Variants in ATP9B observed in about 807,000 individuals in gnomAD.
ATP9B encodes probable phospholipid-transporting ATPase IIB.
A neutral mutation model predicts 146.1 loss-of-function variants in ATP9B; 110 were observed. The observed-to-expected ratio is 0.75, with a 90% CI of 0.65 to 0.88. ATP9B has a LOEUF of 0.88. ATP9B is among the 40% of genes least tolerant of loss of function. The probability of loss-of-function intolerance (pLI) is 0.00; values close to 1 mark genes in which losing one functional copy is unlikely to be tolerated. For synonymous variants in ATP9B, 604 were observed against 569.7 expected (o/e 1.06, Z -0.86); for missense variants, 1,499 against 1,496.4 (o/e 1.00, Z -0.03).
At chr18:79,272,502 C>T (rs1182996824) in intron 12 of ATP9B, among the ~76,000 whole-genome samples, 4 of 151,590 alleles carry the variant, frequency 2.6e-5, no homozygotes, top group African/African-American at 7.3e-5. Flanking sequence ...GAGCTGTCTC[C>T]ACTGAATCCT....
chr18:79,150,325 CTG>C (rs767699145), intron 6 of ATP9B, among the ~76,000 whole-genome samples: 19 of 151,716 alleles, frequency 1.3e-4, no homozygotes, highest in Non-Finnish European at 2.5e-4. Context: ...AAAAAAAAAA[CTG>C]TAACTATCAT....
chr18:79,164,971 G>C (rs763613074), intron 7 of ATP9B, among the ~76,000 whole-genome samples: 1 of 152,134 alleles, frequency 6.6e-6, no homozygotes, highest in African/African-American at 2.4e-5. Context: ...ATGTTCTGTG[G>C]AAAGGGTGGG....
intron 11 of ATP9B, among the ~76,000 whole-genome samples, chr18:79,233,991 G>T (rs2095815955): frequency 6.6e-6 from 1 of 152,172 alleles, no homozygotes. Flanking sequence ...AATTGAGTAG[G>T]CTGAGGAGGA....
At chr18:79,073,204 G>A (rs940662576) in intron 1 of ATP9B, among the ~76,000 whole-genome samples, 4 of 152,158 alleles carry the variant, frequency 2.6e-5, no homozygotes, top group Admixed American at 6.5e-5. Flanking sequence ...AGGCAGAGAC[G>A]CTCCTCACTT....
At position 79,255,948 on chromosome 18, in the gene ATP9B, G is replaced by A. The variant is rs1004719274; in HGVS notation, c.1268+2407G>A. ...GAGCTTCATGACACAGAACGTGTTT[G>A]GGATTCTTCTCCTGCAAGTTGCTTC... On this transcript the variant is annotated intron_variant, in intron 12 of 29. Coordinates refer to ENST00000426216, the MANE Select transcript of ATP9B (RefSeq NM_198531.5). Among the ~76,000 whole-genome samples the A allele has an allele frequency of 2.6e-5, 4 of 152,174 alleles. No homozygotes were observed. The South Asian group carries it at 8.3e-4, about 32-fold the overall frequency.
chr18:79,092,386 T>C (rs1036635283), intron 1 of ATP9B, among the ~76,000 whole-genome samples: 3 of 152,166 alleles, frequency 2.0e-5, no homozygotes, highest in African/African-American at 7.2e-5. Flanking sequence ...TATCTAAGCA[T>C]ACTGAACATA....
intron 12 of ATP9B, 80 bp downstream of exon 12, chr18:79,253,621 A>G: frequency 8.6e-6 from 12 of 1,402,806 alleles, no homozygotes; most frequent in Non-Finnish European, 1.1e-5. Flanking sequence ...CTCAGTATGA[A>G]AGAAATTACC....
At chr18:79,128,159 G>A (rs752835327) in intron 5 of ATP9B, among the ~76,000 whole-genome samples, 4 of 149,050 alleles carry the variant, frequency 2.7e-5, no homozygotes, top group African/African-American at 5.0e-5. Context: ...TCCCGGGTTC[G>A]GGCGATTCTC....
intron 12 of ATP9B, among the ~76,000 whole-genome samples, chr18:79,268,316 T>G (rs1441176464): frequency 6.6e-6 from 1 of 152,206 alleles, no homozygotes; most frequent in African/African-American, 2.4e-5. Context: ...AATTTGATAA[T>G]TTTTGACTAG....
At chr18:79,119,757 C>G (rs746623615) in intron 4 of ATP9B, among the ~76,000 whole-genome samples, 1 of 152,144 alleles carries the variant, frequency 6.6e-6, no homozygotes. Flanking sequence ...ACAATTGATG[C>G]TACCTTTCAG....
At chr18:79,258,809 C>T (rs548627683) in intron 12 of ATP9B, among the ~76,000 whole-genome samples, 1 of 152,342 alleles carries the variant, frequency 6.6e-6, no homozygotes, top group African/African-American at 2.4e-5. Context: ...TTCTCTCACT[C>T]AGGATGCAGT....
At chr18:79,223,829 A>G (rs1266250408) in intron 11 of ATP9B, among the ~76,000 whole-genome samples, 3 of 152,292 alleles carry the variant, frequency 2.0e-5, no homozygotes, top group Non-Finnish European at 4.4e-5. Flanking sequence ...TGTTGAAAAA[A>G]CAATCCTACT....
chr18:79,165,691 CAG>C (rs901228190), intron 7 of ATP9B, among the ~76,000 whole-genome samples: 3 of 152,138 alleles, frequency 2.0e-5, no homozygotes, highest in Non-Finnish European at 4.4e-5. Flanking sequence ...GCTCCATGTG[CAG>C]GAAGCTCTAC....
intron 9 of ATP9B, among the ~76,000 whole-genome samples, chr18:79,198,265 C>T (rs2095434805): frequency 6.6e-6 from 1 of 152,002 alleles, no homozygotes; most frequent in East Asian, 1.9e-4. Flanking sequence ...AAGCAAGATT[C>T]AAATATATGG....
chr18:79,183,256 T>C (rs2095269967), intron 8 of ATP9B, among the ~76,000 whole-genome samples: 1 of 152,200 alleles, frequency 6.6e-6, no homozygotes, highest in Non-Finnish European at 1.5e-5. Context: ...TTAAAAGATA[T>C]CATTTTGAAA....
chr18:79,175,411 C>A (rs183308977), intron 7 of ATP9B, among the ~76,000 whole-genome samples: 2 of 152,174 alleles, frequency 1.3e-5, no homozygotes, highest in African/African-American at 4.8e-5. Context: ...TTCAAAAGGC[C>A]TAGCATCTAT....
At chr18:79,249,901 A>G (rs1373182150) in intron 11 of ATP9B, among the ~76,000 whole-genome samples, 1 of 152,244 alleles carries the variant, frequency 6.6e-6, no homozygotes. Context: ...GTTTGGTTAC[A>G]AGTTATATTC....
intron 8 of ATP9B, among the ~76,000 whole-genome samples, chr18:79,187,558 G>A (rs2095319493): frequency 6.6e-6 from 1 of 152,158 alleles, no homozygotes. Context: ...TTTTTCAAAG[G>A]AAATGGGAAG....
chr18:79,197,236 G>A (rs1399961261), intron 9 of ATP9B, among the ~76,000 whole-genome samples: 2 of 152,014 alleles, frequency 1.3e-5, no homozygotes, highest in East Asian at 3.8e-4. Context: ...TATCATAGGA[G>A]AAATATAAAC....
Sources: allele counts gnomAD v4.1 joint callset (sites outside exome capture counted in the v4.1 genomes callset), GRCh38; gene constraint gnomAD v4.1.1; transcripts MANE v1.5; gene names NCBI Gene and HGNC (gene_info 2026-07-23, HGNC 2026-07-21).